Variants in DOK6 observed in about 807,000 individuals in gnomAD.
DOK6 encodes docking protein 6.
In DOK6, 22 loss-of-function variants were observed where a neutral mutation model predicts 44.0. The ratio of observed to expected loss-of-function variants is 0.50; its 90% CI spans 0.36 to 0.71. DOK6 has a LOEUF of 0.71. Among genes scored for constraint, DOK6 ranks in the 30% least tolerant of loss-of-function variants. DOK6 has a pLI of 0.00. For synonymous variants in DOK6, 166 were observed against 145.5 expected, an observed-to-expected ratio of 1.14 and a Z score of -1.01; for missense variants, 340 against 416.4, an observed-to-expected ratio of 0.82 and a Z score of 1.60.
intron 1 of DOK6, among the ~76,000 whole-genome samples, chr18:69,529,735 A>G (rs1195837867): frequency 6.6e-6 from 1 of 152,216 alleles, no homozygotes; most frequent in Non-Finnish European, 1.5e-5. Flanking sequence ...AAAGTTAACT[A>G]TTAATGTTGC....
intron 1 of DOK6, among the ~76,000 whole-genome samples, chr18:69,480,047 A>G (rs1339826286): frequency 6.6e-6 from 1 of 152,176 alleles, no homozygotes; most frequent in Non-Finnish European, 1.5e-5. Context: ...GTTACAGTCT[A>G]TTTGTTGGCA....
At chr18:69,502,461 G>A (rs1433926227) in intron 1 of DOK6, among the ~76,000 whole-genome samples, 2 of 152,114 alleles carry the variant, frequency 1.3e-5, no homozygotes, top group Non-Finnish European at 2.9e-5. Flanking sequence ...AGGAAATGCA[G>A]AGACTCTCAG....
chr18:69,774,095 T>C (rs917756687), intron 7 of DOK6, among the ~76,000 whole-genome samples: 3 of 142,732 alleles, frequency 2.1e-5, no homozygotes, highest in Non-Finnish European at 4.6e-5. Context: ...TTTATATAGA[T>C]ATATATATGA....
intron 7 of DOK6, among the ~76,000 whole-genome samples, chr18:69,768,950 TGTGC>T (rs573534898): frequency 8.0e-5 from 11 of 138,100 alleles, no homozygotes; most frequent in African/African-American, 2.8e-4. Context: ...ATTTGAAGGG[TGTGC>T]GTGTGTGTGT....
intron 3 of DOK6, among the ~76,000 whole-genome samples, chr18:69,607,968 C>G (rs1277105034): frequency 6.6e-6 from 1 of 152,082 alleles, no homozygotes; most frequent in Non-Finnish European, 1.5e-5. Flanking sequence ...TTAACAATTA[C>G]AGTTATGCAA....
intron 1 of DOK6, among the ~76,000 whole-genome samples, chr18:69,474,927 C>T (rs2144525169): frequency 6.6e-6 from 1 of 152,182 alleles, no homozygotes; most frequent in East Asian, 1.9e-4. Context: ...GTTTTAAAAA[C>T]AATGTATCCA....
rs1331615858 is a variant in DOK6, at chr18:69,514,844, T to A, written c.67-49643T>A. On this transcript the variant is annotated intron_variant, in intron 1 of 7. Transcript: ENST00000382713. ...GACTAAAGCTCTCCATATATATTTT[T>A]TTTTTTTGAAGAAACAGATGCTTGC... 3.0e-3 allele frequency among the ~76,000 whole-genome samples: 369 copies of A among 124,336 alleles called. 3 individuals are homozygous for A. The highest frequency in any genetic ancestry group is 6.7e-3 in the African/African-American group (262 of 39,032). 81.6% of individuals were successfully genotyped at this position (124,336 alleles called of 152,430 possible). A position where few individuals can be genotyped will look rare whatever the true frequency, so the allele number is the denominator to read the frequency against.
intron 1 of DOK6, among the ~76,000 whole-genome samples, chr18:69,537,817 T>C (rs545559446): frequency 1.3e-5 from 2 of 152,362 alleles, no homozygotes; most frequent in Admixed American, 6.5e-5. Context: ...TTTCTGTTTT[T>C]ATATGATTTT....
intron 7 of DOK6, among the ~76,000 whole-genome samples, chr18:69,820,644 G>T (rs771509088): frequency 2.0e-5 from 3 of 152,008 alleles, no homozygotes; most frequent in Non-Finnish European, 4.4e-5. Flanking sequence ...AACTAAAAAA[G>T]CTAATTCACT....
chr18:69,827,415 C>T (rs1012038790), intron 7 of DOK6, among the ~76,000 whole-genome samples: 5 of 152,004 alleles, frequency 3.3e-5, no homozygotes, highest in Admixed American at 6.6e-5. Context: ...AATTTTGTTC[C>T]TGATGATCAG....
At chr18:69,417,812 G>T (rs913154700) in intron 1 of DOK6, among the ~76,000 whole-genome samples, 3 of 152,046 alleles carry the variant, frequency 2.0e-5, no homozygotes, top group Admixed American at 2.0e-4. Flanking sequence ...AATGATTAGT[G>T]ATGTTGAACA....
chr18:69,672,506 G>A (rs1013298244), intron 3 of DOK6, among the ~76,000 whole-genome samples: 3 of 152,150 alleles, frequency 2.0e-5, no homozygotes, highest in Admixed American at 2.0e-4. Flanking sequence ...TTACAGGCGC[G>A]CAGCACCGCG....
chr18:69,821,876 T>C (rs560298040), intron 7 of DOK6, among the ~76,000 whole-genome samples: 1 of 152,064 alleles, frequency 6.6e-6, no homozygotes, highest in South Asian at 2.1e-4. Context: ...GAGAAATAAT[T>C]TAAACAACAC....
chr18:69,795,119 C>T (rs1320761176), intron 7 of DOK6, among the ~76,000 whole-genome samples: 1 of 152,070 alleles, frequency 6.6e-6, no homozygotes, highest in Non-Finnish European at 1.5e-5. Context: ...GAAACTGGTC[C>T]CTGGTGCTAA....
At chr18:69,442,311 G>C (rs1028916035) in intron 1 of DOK6, among the ~76,000 whole-genome samples, 2 of 152,112 alleles carry the variant, frequency 1.3e-5, no homozygotes, top group African/African-American at 4.8e-5. Context: ...ACCCAAGACT[G>C]AGTAATTTAT....
At chr18:69,735,332 T>A (rs73455082) in intron 5 of DOK6, among the ~76,000 whole-genome samples, 3,649 of 152,266 alleles carry the variant, frequency 0.024, 152 homozygotes, top group African/African-American at 0.082. Context: ...ATGGAAGGGT[T>A]CCCAAGGCCA....
intron 3 of DOK6, among the ~76,000 whole-genome samples, chr18:69,671,519 AGG>A (rs1211712952): frequency 5.9e-5 from 9 of 152,252 alleles, no homozygotes; most frequent in African/African-American, 2.2e-4. Flanking sequence ...CAAAACCTTC[AGG>A]TTGCATAAAT....
intron 4 of DOK6, among the ~76,000 whole-genome samples, chr18:69,681,067 TTTA>T (rs1201593193): frequency 1.3e-5 from 2 of 152,196 alleles, no homozygotes; most frequent in Non-Finnish European, 2.9e-5. Flanking sequence ...CGATAGATTG[TTTA>T]TTAAGACATT....
intron 3 of DOK6, among the ~76,000 whole-genome samples, chr18:69,608,073 A>G (rs8085984): frequency 0.39 from 58,539 of 152,038 alleles, 11,239 homozygotes; most frequent in Middle Eastern, 0.54. Context: ...GAGATATAAA[A>G]AATCAAAATG....
Sources: gnomAD v4.1 joint callset for allele counts (sites outside exome capture counted in the v4.1 genomes callset) on GRCh38, gnomAD v4.1.1 for gene constraint, MANE v1.5 for transcripts, NCBI Gene and HGNC (gene_info 2026-07-23, HGNC 2026-07-21) for gene names.